Variants in ARHGAP10 observed in about 807,000 individuals in gnomAD.
The protein encoded by ARHGAP10 is Rho GTPase activating protein 10, also known as rho GTPase-activating protein 10.
Under a neutral mutation model 108.6 loss-of-function variants are expected in ARHGAP10, and 87 were observed. The observed-to-expected ratio is 0.80, with a 90% CI of 0.67 to 0.96. The LOEUF (loss-of-function observed/expected upper bound fraction) is 0.96. ARHGAP10 is among the 40% of genes least tolerant of loss of function. The probability of loss-of-function intolerance (pLI) is 0.00; values close to 1 mark genes in which losing one functional copy is unlikely to be tolerated. For missense variants in ARHGAP10, 939 were observed against 954.5 expected (o/e 0.98, Z 0.21); for synonymous variants, 347 against 341.1 (o/e 1.02, Z -0.19).
rs532585034 is a variant in ARHGAP10 at position 147,810,773 on chromosome 4, C to T, written c.155-11954C>T. On this transcript the variant is annotated intron_variant, in intron 1 of 22. Transcript: ENST00000336498. ...TCAGTGACTGTCCCATCTTTTAGAA[C>T]AGAGCCCACAGGGTTGGGTTCTTGC... Among the ~76,000 whole-genome samples the T allele has an allele frequency of 2.7e-4, 41 of 152,296 alleles. 1 individual carries two copies. The South Asian group carries it at 8.5e-3, about 32-fold the overall frequency.
At chr4:147,943,069 G>C (rs1738220834) in intron 14 of ARHGAP10, among the ~76,000 whole-genome samples, 1 of 152,220 alleles carries the variant, frequency 6.6e-6, no homozygotes, top group Non-Finnish European at 1.5e-5. Context: ...TTAGTAAATG[G>C]AGTGAGAATG....
At chr4:148,000,197 G>C (rs538403918) in intron 18 of ARHGAP10, among the ~76,000 whole-genome samples, 1 of 152,014 alleles carries the variant, frequency 6.6e-6, no homozygotes, top group South Asian at 2.1e-4. Flanking sequence ...TTGTCCTTGC[G>C]ATAGTTTGCT....
intron 1 of ARHGAP10, among the ~76,000 whole-genome samples, chr4:147,766,817 T>TAC (rs1729843295): frequency 3.2e-4 from 4 of 12,502 alleles, no homozygotes; most frequent in Admixed American, 4.3e-3. Flanking sequence ...TATATATATA[T>TAC]ATATATATAT....
intron 20 of ARHGAP10, among the ~76,000 whole-genome samples, chr4:148,050,609 G>A (rs1266474361): frequency 1.3e-5 from 2 of 151,738 alleles, no homozygotes; most frequent in Non-Finnish European, 2.9e-5. Context: ...TCCTGACCTC[G>A]TGATCCACCC....
intron 12 of ARHGAP10, among the ~76,000 whole-genome samples, chr4:147,911,994 CGTGT>C (rs36217593): frequency 0.033 from 4,494 of 135,260 alleles, 158 homozygotes; most frequent in African/African-American, 0.086. Flanking sequence ...AGAACATTCA[CGTGT>C]GTGTGTGTGT....
At chr4:148,059,339 G>T (rs978911440) in intron 20 of ARHGAP10, among the ~76,000 whole-genome samples, 2 of 152,202 alleles carry the variant, frequency 1.3e-5, no homozygotes, top group Non-Finnish European at 1.5e-5. Context: ...CAGGAAACTT[G>T]TGGCACTTAG....
At chr4:147,779,242 G>A (rs2126727645) in intron 1 of ARHGAP10, among the ~76,000 whole-genome samples, 1 of 152,278 alleles carries the variant, frequency 6.6e-6, no homozygotes, top group East Asian at 1.9e-4. Context: ...TCATGCTGGA[G>A]CAGAGGTGGA....
chr4:147,732,237 G>T lies in ARHGAP10; in HGVS notation c.-65G>T. The T allele has an allele frequency of 6.9e-7, 1 of 1,439,070 alleles. No homozygotes were observed. Among genetic ancestry groups the T allele is most frequent in the Non-Finnish European group, 9.1e-7 (1 of 1,102,668 alleles). 89.1% of individuals were successfully genotyped at this position (1,439,070 alleles called of 1,614,324 possible). A position where few individuals can be genotyped will look rare whatever the true frequency, so the allele number is the denominator to read the frequency against. On this transcript the variant is annotated 5_prime_UTR_variant, in exon 1 of 23. Coordinates refer to ENST00000336498, the MANE Select transcript of ARHGAP10 (RefSeq NM_024605.4). ...AACGCGCGGCGCCGCACCTGGCAGCGGCCTCGGAGCTCGGCTCGGGCAGGA... is the reference window on the plus strand; with the variant it reads ...AACGCGCGGCGCCGCACCTGGCAGCTGCCTCGGAGCTCGGCTCGGGCAGGA...
chr4:147,966,824 T>C lies in ARHGAP10; in HGVS notation c.1701T>C (p.Ile567=), dbSNP rs758989882. The change falls in exon 18 of 23, where the codon ATT becomes ATC. Residue 567 remains isoleucine, a synonymous_variant. Coordinates refer to ENST00000336498, the MANE Select transcript of ARHGAP10 (RefSeq NM_024605.4). ...AGAATATTGTTGTGGAAATCTTAAT[T>C]GAAAACCATGAAAAGGTAAAATTTT... is the stretch of plus-strand genomic sequence containing the variant. ...KFQNIVVEIL[I]ENHEKIFRTP... The C allele has an allele frequency of 3.8e-6, 6 of 1,572,152 alleles. No individual in the cohort carries two copies. The South Asian group carries it at 7.1e-5, about 19-fold the overall frequency.
chr4:147,834,185 T>C lies in ARHGAP10; in HGVS notation c.312+11228T>C, dbSNP rs554893369. 5.9e-5 allele frequency among the ~76,000 whole-genome samples: 9 copies of C among 152,316 alleles called. No individual in the cohort carries two copies. In the South Asian group the frequency reaches 1.9e-3, roughly 32 times the overall value. On this transcript the variant is annotated intron_variant, in intron 3 of 22. Coordinates refer to ENST00000336498, the MANE Select transcript of ARHGAP10 (RefSeq NM_024605.4). ...GATAACCCATTAATCCATTAACTCA[T>C]TAGGCTGGGAATGGTGGCTTACACC...
At chr4:147,735,416 C>A (rs968370518) in intron 1 of ARHGAP10, among the ~76,000 whole-genome samples, 2 of 152,120 alleles carry the variant, frequency 1.3e-5, no homozygotes, top group African/African-American at 4.8e-5. Flanking sequence ...TTGGAACTCA[C>A]TGGTGATAAG....
At chr4:147,852,953 C>T (rs1305149423) in intron 4 of ARHGAP10, among the ~76,000 whole-genome samples, 1 of 151,978 alleles carries the variant, frequency 6.6e-6, no homozygotes, top group Non-Finnish European at 1.5e-5. Context: ...CTCCTGACCT[C>T]AACATCACCA....
chr4:147,777,065 G>C (rs1466900327), intron 1 of ARHGAP10, among the ~76,000 whole-genome samples: 1 of 152,150 alleles, frequency 6.6e-6, no homozygotes, highest in African/African-American at 2.4e-5. Context: ...CTGCTATGCT[G>C]ATAGCTGTTA....
chr4:147,869,147 A>G (rs1302498042), intron 7 of ARHGAP10, among the ~76,000 whole-genome samples: 1 of 152,086 alleles, frequency 6.6e-6, no homozygotes, highest in East Asian at 1.9e-4. Flanking sequence ...AGAGTTTCAG[A>G]TCAGAGGCAT....
intron 1 of ARHGAP10, among the ~76,000 whole-genome samples, chr4:147,820,544 C>G (rs899275271): frequency 4.6e-5 from 7 of 150,602 alleles, no homozygotes; most frequent in African/African-American, 1.7e-4. Context: ...CCTTGGCCTC[C>G]CAGAGTGCTG....
At chr4:147,896,122 C>T (rs750574044) in intron 10 of ARHGAP10, among the ~76,000 whole-genome samples, 30 of 152,126 alleles carry the variant, frequency 2.0e-4, no homozygotes, top group Non-Finnish European at 3.5e-4. Flanking sequence ...TGCTAGTATT[C>T]GGTTAAGGAT....
chr4:147,784,680 AATATAAAATATATAT>A (rs1183865701), intron 1 of ARHGAP10, among the ~76,000 whole-genome samples: 1 of 92,336 alleles, frequency 1.1e-5, no homozygotes, highest in Non-Finnish European at 1.9e-5. Context: ...ATATATTATA[AATATAAAATATATAT>A]TATAAAATAT....
intron 1 of ARHGAP10, among the ~76,000 whole-genome samples, chr4:147,761,283 C>T (rs922960870): frequency 1.3e-5 from 2 of 152,110 alleles, no homozygotes; most frequent in Non-Finnish European, 2.9e-5. Context: ...TCTGAACACT[C>T]TAGGATTACA....
chr4:148,050,783 C>T (rs1217215468), intron 20 of ARHGAP10, among the ~76,000 whole-genome samples: 1 of 152,182 alleles, frequency 6.6e-6, no homozygotes, highest in Non-Finnish European at 1.5e-5. Flanking sequence ...TTTATAAGTT[C>T]TCATTGTATG....
Sources: allele counts gnomAD v4.1 joint callset (sites outside exome capture counted in the v4.1 genomes callset), GRCh38; gene constraint gnomAD v4.1.1; transcripts MANE v1.5; gene names NCBI Gene and HGNC (gene_info 2026-07-23, HGNC 2026-07-21).